WWOX: variants seen among roughly 807,000 people sequenced by gnomAD.
The protein encoded by WWOX is WW domain containing oxidoreductase.
Under a neutral mutation model 46.2 loss-of-function variants are expected in WWOX, and 69 were observed. The ratio of observed to expected loss-of-function variants is 1.49; its 90% confidence interval spans 1.23 to 1.82. WWOX has a LOEUF of 1.82. WWOX is among the 40% of genes most tolerant of loss of function. The pLI is 0.00. For synonymous variants in WWOX, 359 were observed against 202.6 expected (o/e 1.77, Z -6.56); for missense variants, 919 against 542.6 (o/e 1.69, Z -6.89).
chr16:78,392,934 C>G (rs557296138), intron 6 of WWOX, among the ~76,000 whole-genome samples: 1 of 152,146 alleles, frequency 6.6e-6, no homozygotes, highest in Non-Finnish European at 1.5e-5. Context: ...AAGCCTCAGC[C>G]TGCTTCCAGA....
At chr16:78,863,625 A>C (rs1005825487) in intron 8 of WWOX, among the ~76,000 whole-genome samples, 2 of 152,152 alleles carry the variant, frequency 1.3e-5, no homozygotes, top group African/African-American at 4.8e-5. Context: ...TCAGGCAGGC[A>C]CGAAGTCTCT....
intron 8 of WWOX, among the ~76,000 whole-genome samples, chr16:78,961,886 T>G (rs1032123353): frequency 7.2e-5 from 11 of 152,324 alleles, no homozygotes; most frequent in Middle Eastern, 6.8e-3. Flanking sequence ...GGTTCCACAT[T>G]GACTGCATCC....
intron 5 of WWOX, among the ~76,000 whole-genome samples, chr16:78,312,528 C>G (rs2080268038): frequency 6.6e-6 from 1 of 152,046 alleles, no homozygotes; most frequent in South Asian, 2.1e-4. Context: ...GTGCCTGCCA[C>G]CATGCCCAGC....
At chr16:79,074,728 A>G (rs2048622208) in intron 8 of WWOX, among the ~76,000 whole-genome samples, 1 of 152,132 alleles carries the variant, frequency 6.6e-6, no homozygotes, top group Non-Finnish European at 1.5e-5. Context: ...CTCTACAAAG[A>G]TAACTAAGCT....
intron 8 of WWOX, among the ~76,000 whole-genome samples, chr16:79,017,691 A>G (rs1039360685): frequency 7.9e-5 from 12 of 152,100 alleles, no homozygotes; most frequent in African/African-American, 2.9e-4. Flanking sequence ...TATGTCATGA[A>G]ATTATATTTT....
At chr16:78,721,278 A>G (rs1281747769) in intron 8 of WWOX, among the ~76,000 whole-genome samples, 3 of 152,166 alleles carry the variant, frequency 2.0e-5, no homozygotes, top group Non-Finnish European at 2.9e-5. Context: ...GTGATGAACT[A>G]CTTCTTTCCA....
At chr16:78,416,101 C>T (rs542771200) in intron 6 of WWOX, among the ~76,000 whole-genome samples, 22 of 152,108 alleles carry the variant, frequency 1.4e-4, no homozygotes, top group African/African-American at 4.8e-4. Flanking sequence ...GAGAATCCAC[C>T]CAAGAAGAAG....
intron 8 of WWOX, among the ~76,000 whole-genome samples, chr16:78,747,611 G>C (rs1039756783): frequency 6.6e-6 from 1 of 152,024 alleles, no homozygotes; most frequent in African/African-American, 2.4e-5. Flanking sequence ...TGGTGGAGTC[G>C]AATTCAAACC....
chr16:78,201,365 A>T (rs1358049953), intron 5 of WWOX, among the ~76,000 whole-genome samples: 1 of 152,222 alleles, frequency 6.6e-6, no homozygotes, highest in African/African-American at 2.4e-5. Flanking sequence ...ATGAGGAGGC[A>T]TGACCGGAAG....
chr16:78,716,912 C>G lies in WWOX; in HGVS notation c.1056+284160C>G, dbSNP rs76039201. 2.0e-5 allele frequency among the ~76,000 whole-genome samples: 3 copies of G among 152,290 alleles called. No individual in the cohort carries two copies. The East Asian group carries it at 5.8e-4, about 29-fold the overall frequency. On this transcript the variant is annotated intron_variant, in intron 8 of 8. Transcript: ENST00000566780. ...GGCTTCATGTTTATTATCTTATTTT[C>G]AGTTTCAAAAGGGCATATCCTGCCC... is the stretch of plus-strand genomic sequence containing the variant.
At chr16:79,050,008 G>C (rs1298406223) in intron 8 of WWOX, among the ~76,000 whole-genome samples, 1 of 152,156 alleles carries the variant, frequency 6.6e-6, no homozygotes, top group Non-Finnish European at 1.5e-5. Context: ...TGTGATTGCA[G>C]AGTATGGGGC....
intron 8 of WWOX, among the ~76,000 whole-genome samples, chr16:78,855,125 A>G (rs1000425820): frequency 6.6e-6 from 1 of 152,200 alleles, no homozygotes; most frequent in Non-Finnish European, 1.5e-5. Context: ...AAGTGTGTTT[A>G]AATCTCTTTC....
At position 78,911,538 on chromosome 16, in the gene WWOX, A is replaced by T. The variant is rs566952939; in HGVS notation, c.1057-300070A>T. Among the ~76,000 whole-genome samples the T allele has an allele frequency of 2.0e-5, 3 of 151,914 alleles. No individual in the cohort carries two copies. In the East Asian group the frequency reaches 5.8e-4, roughly 29 times the overall value. ...TCTTTTGGTAATTGAATGAAATAAG[A>T]CTCTTAGGAAAATTCTCCCCAGTGG... On this transcript the variant is annotated intron_variant, in intron 8 of 8. Coordinates refer to ENST00000566780, the MANE Select transcript of WWOX (RefSeq NM_016373.4).
intron 4 of WWOX, among the ~76,000 whole-genome samples, chr16:78,140,461 A>T (rs2151706743): frequency 6.6e-6 from 1 of 152,292 alleles, no homozygotes; most frequent in South Asian, 2.1e-4. Flanking sequence ...AGAGGCTAGA[A>T]GTCTGAAATC....
At chr16:78,977,591 G>A (rs1292708778) in intron 8 of WWOX, among the ~76,000 whole-genome samples, 1 of 145,574 alleles carries the variant, frequency 6.9e-6, no homozygotes, top group Non-Finnish European at 1.5e-5. Flanking sequence ...TAAAATTTTT[G>A]TTGTTACAAA....
At chr16:78,329,329 G>C (rs558657724) in intron 5 of WWOX, among the ~76,000 whole-genome samples, 2 of 152,260 alleles carry the variant, frequency 1.3e-5, no homozygotes, top group East Asian at 3.9e-4. Flanking sequence ...AGGGCTCTCT[G>C]ATAGAAATAT....
chr16:78,444,408 G>A (rs998666680), intron 8 of WWOX, among the ~76,000 whole-genome samples: 5 of 152,060 alleles, frequency 3.3e-5, no homozygotes, highest in East Asian at 3.9e-4. Flanking sequence ...ACTAACATGG[G>A]CCCACAGACA....
At chr16:78,955,213 G>C (rs2046140770) in intron 8 of WWOX, among the ~76,000 whole-genome samples, 1 of 152,222 alleles carries the variant, frequency 6.6e-6, no homozygotes, top group Non-Finnish European at 1.5e-5. Context: ...ATATGCTAGA[G>C]CTGCAATGTG....
chr16:78,919,742 C>T (rs571927839), intron 8 of WWOX, among the ~76,000 whole-genome samples: 9 of 152,190 alleles, frequency 5.9e-5, no homozygotes, highest in East Asian at 1.9e-4. Context: ...GTCTCGAACT[C>T]GTGACCTCAT....
Sources: allele counts gnomAD v4.1 joint callset (sites outside exome capture counted in the v4.1 genomes callset), GRCh38; gene constraint gnomAD v4.1.1; transcripts MANE v1.5; gene names NCBI Gene and HGNC (gene_info 2026-07-23, HGNC 2026-07-21).